COL11A1: variants seen among roughly 807,000 people sequenced by gnomAD.
The protein encoded by COL11A1 is collagen alpha-1(XI) chain.
Under a neutral mutation model 265.2 loss-of-function variants are expected in COL11A1, and 74 were observed. The ratio of observed to expected loss-of-function variants is 0.28; its 90% CI spans 0.23 to 0.34. The LOEUF (loss-of-function observed/expected upper bound fraction) is 0.34, where lower values mean the gene tolerates loss of function less well. COL11A1 is among the 10% of genes least tolerant of loss of function. COL11A1 has a pLI of 1.00. For synonymous variants in COL11A1, 816 were observed against 727.6 expected (o/e 1.12, Z -1.96); for missense variants, 2,165 against 2,263.6 (o/e 0.96, Z 0.88).
rs1171259574 is a variant in COL11A1 at position 102,879,844 on chromosome 1, A to T, written c.5113T>A (p.Ser1705Thr). The T allele has an allele frequency of 6.2e-7, 1 of 1,613,962 alleles. No homozygotes were observed. The highest frequency in any genetic ancestry group is 1.7e-5 in the Admixed American group (1 of 59,978). ...QMTFLKLLTA[S>T]ARQNFTYHCH... is the part of the protein sequence containing the mutation. ...TGGTAGGTGAAATTTTGCCGAGCAG[A>T]GGCAGTCAGAAGTTTCAGGAATGTC... is the stretch of plus-strand genomic sequence containing the variant. The change falls in exon 66 of 67, where the codon TCT becomes ACT. Residue 1705 changes from serine (S) to threonine (T), a missense_variant. Transcript: ENST00000370096.
At chr1:103,002,541 C>A in intron 22 of COL11A1, 60 bp from the exon 23 acceptor site, 1 of 1,442,510 alleles carries the variant, frequency 6.9e-7, no homozygotes, top group East Asian at 2.4e-5. Context: ...GATTTTTGTT[C>A]TTCTCAATTG....
chr1:102,919,620 T>G (rs1655746481), intron 49 of COL11A1, among the ~76,000 whole-genome samples: 1 of 152,008 alleles, frequency 6.6e-6, no homozygotes, highest in South Asian at 2.1e-4. Context: ...CCATGATAAT[T>G]TTCTTGAAAA....
chr1:103,074,776 G>A lies in COL11A1; in HGVS notation c.493C>T (p.His165Tyr). The change falls in exon 4 of 67, where the codon CAT (histidine) becomes TAT (tyrosine). Residue 165 changes from histidine (H) to tyrosine (Y), a missense_variant. Physicochemically the swap from His to Tyr is moderately conservative, Grantham distance 83 (BLOSUM62 2). Coordinates refer to ENST00000370096, the MANE Select transcript of COL11A1 (RefSeq NM_001854.4). ...TTCTCCACGCTGATTGCTACCCGAT[G>A]CCACCTAAAAAAGACAAGTAATTCT... ...RTVNIADGKW[H>Y]RVAISVEKKT... The A allele has an allele frequency of 1.2e-6, 2 of 1,612,992 alleles. No homozygotes were observed. Among genetic ancestry groups the A allele is most frequent in the East Asian group, 2.2e-5 (1 of 44,844 alleles).
rs553781883 is a variant in COL11A1 at position 102,923,402 on chromosome 1, A to G, written c.3601-13T>C. On this transcript the variant is annotated splice_polypyrimidine_tract_variant and intron_variant, in intron 46 of 66. Coordinates refer to ENST00000370096, the MANE Select transcript of COL11A1 (RefSeq NM_001854.4). ...GGCCTGGCAGACCCTAAGAAAATAT[A>G]ATAGAAAAATAATAAAAGTCACTGA... The G allele has an allele frequency of 1.3e-6, 2 of 1,574,752 alleles. No individual in the cohort carries two copies. The highest frequency in any genetic ancestry group is 2.4e-5 in the East Asian group (1 of 42,252).
At chr1:102,967,725 C>T (rs557437466) in intron 37 of COL11A1, among the ~76,000 whole-genome samples, 6 of 152,228 alleles carry the variant, frequency 3.9e-5, no homozygotes, top group Admixed American at 1.3e-4. Flanking sequence ...CTGGGTTATT[C>T]TTCCTCCAAT....
chr1:103,073,800 A>G (rs753401268), intron 4 of COL11A1, among the ~76,000 whole-genome samples: 3 of 151,982 alleles, frequency 2.0e-5, no homozygotes, highest in Non-Finnish European at 4.4e-5. Flanking sequence ...GTATATATAT[A>G]TGTGTGTGTA....
At chr1:102,949,027 A>T (rs555752751) in intron 41 of COL11A1, among the ~76,000 whole-genome samples, 1 of 152,126 alleles carries the variant, frequency 6.6e-6, no homozygotes, top group East Asian at 1.9e-4. Flanking sequence ...AGGTCTATGA[A>T]TTGAGAGGAA....
At chr1:102,978,469 T>C (rs1056368826) in intron 35 of COL11A1, among the ~76,000 whole-genome samples, 15 of 152,220 alleles carry the variant, frequency 9.9e-5, no homozygotes, top group Non-Finnish European at 1.5e-4. Flanking sequence ...ATAAGAGTGA[T>C]ATCTTAGTCC....
At chr1:103,030,217 G>T (rs1219943338) in intron 5 of COL11A1, among the ~76,000 whole-genome samples, 1 of 151,902 alleles carries the variant, frequency 6.6e-6, no homozygotes, top group Non-Finnish European at 1.5e-5. Context: ...CTTCCTGTTA[G>T]GTTCTTAAAA....
intron 36 of COL11A1, among the ~76,000 whole-genome samples, chr1:102,971,123 C>G (rs1190159545): frequency 6.6e-6 from 1 of 151,944 alleles, no homozygotes; most frequent in Non-Finnish European, 1.5e-5. Flanking sequence ...ACGTTATACT[C>G]AATTCTAGAA....
At position 103,006,600 on chromosome 1, in the gene COL11A1, C is replaced by T. The variant is rs192263540; in HGVS notation, c.1684-285G>A. Among the ~76,000 whole-genome samples the T allele has an allele frequency of 2.2e-3, 290 of 129,342 alleles. 2 individuals are homozygous for T. The highest frequency in any genetic ancestry group is 7.9e-3 in the African/African-American group (283 of 35,668). 84.9% of individuals were successfully genotyped at this position (129,342 alleles called of 152,430 possible). On this transcript the variant is annotated intron_variant, in intron 15 of 66. Coordinates refer to ENST00000370096, the MANE Select transcript of COL11A1 (RefSeq NM_001854.4). Reference sequence around the variant, plus strand: ...TCGCCTAGGCTGGAGCCCAGCGGCGCGATCTCGGCTCACTGCAAGCTCTGC... The same window carrying T: ...TCGCCTAGGCTGGAGCCCAGCGGCGTGATCTCGGCTCACTGCAAGCTCTGC...
At chr1:103,036,432 T>C (rs1342269160) in intron 4 of COL11A1, among the ~76,000 whole-genome samples, 1 of 148,286 alleles carries the variant, frequency 6.7e-6, no homozygotes, top group East Asian at 1.9e-4. Flanking sequence ...ATAGTACTTT[T>C]AAATAATATA....
chr1:103,018,127 T>C (rs972830394), intron 10 of COL11A1, among the ~76,000 whole-genome samples: 1 of 152,092 alleles, frequency 6.6e-6, no homozygotes, highest in African/African-American at 2.4e-5. Flanking sequence ...TATGCCAATG[T>C]AAAGTCTCTA....
At chr1:103,074,885 A>C (rs911281415) in intron 3 of COL11A1, 105 bp from the exon 4 acceptor site, 272 of 1,303,002 alleles carry the variant, frequency 2.1e-4, no homozygotes, top group Non-Finnish European at 2.7e-4. Context: ...AAATGAGCTA[A>C]AATCATACAA....
intron 4 of COL11A1, among the ~76,000 whole-genome samples, chr1:103,050,242 C>A (rs1428549734): frequency 6.6e-6 from 1 of 152,184 alleles, no homozygotes; most frequent in East Asian, 1.9e-4. Context: ...GTACACCAGT[C>A]AGAGGTAGAT....
At chr1:102,909,721 T>A (rs1055399448) in intron 54 of COL11A1, among the ~76,000 whole-genome samples, 1 of 152,064 alleles carries the variant, frequency 6.6e-6, no homozygotes, top group Non-Finnish European at 1.5e-5. Context: ...TACTCAAAAC[T>A]ACTTCGGTGT....
chr1:103,006,388 T>G, intron 15 of COL11A1, 73 bp from the exon 16 acceptor site: 1 of 1,180,090 alleles, frequency 8.5e-7, no homozygotes. Flanking sequence ...TCAAGAGAGA[T>G]GGTTTCAGAA....
Position 102,878,242 on chromosome 1 carries a change from C to T in COL11A1, c.5275-77G>A, listed in dbSNP as rs373207181. ...ATGCATCTTATTTTTTCTTGGGCTT[C>T]TGAGTGGAGGTAAGAAGCTGAGAGA... On this transcript the variant is annotated intron_variant, in intron 66 of 66. Transcript: ENST00000370096. 3.0e-6 allele frequency: 4 copies of T among 1,338,426 alleles called. No homozygotes were observed. The East Asian group carries it at 7.6e-5, about 25-fold the overall frequency. 82.9% of individuals were successfully genotyped at this position (1,338,426 alleles called of 1,614,324 possible). A position where few individuals can be genotyped will look rare whatever the true frequency, so the allele number is the denominator to read the frequency against.
In COL11A1 at chr1:103,006,271, A is replaced by T; in HGVS notation, c.1728T>A (p.Pro576=). The change falls in exon 16 of 67, where the codon CCT becomes CCA. Residue 576 remains proline (P), a synonymous_variant. Coordinates refer to ENST00000370096, the MANE Select transcript of COL11A1 (RefSeq NM_001854.4). ...TGAAAATAAGCCATACCCTTTTTCC[A>T]GGTTTTCCCGTTGGACCAGGGGGAC... ...VQGPPGPTGK[P]GKRGRPGADG... The T allele has an allele frequency of 6.2e-7, 1 of 1,608,466 alleles. No individual in the cohort carries two copies. The highest frequency in any genetic ancestry group is 8.5e-7 in the Non-Finnish European group (1 of 1,177,218).
Sources: gnomAD v4.1 joint callset for allele counts (sites outside exome capture counted in the v4.1 genomes callset) on GRCh38, gnomAD v4.1.1 for gene constraint, MANE v1.5 for transcripts, NCBI Gene and HGNC (gene_info 2026-07-23, HGNC 2026-07-21) for gene names.